MYOM2: variants seen among roughly 807,000 people sequenced by gnomAD.
The protein encoded by MYOM2 is myomesin 2.
A neutral mutation model predicts 187.6 loss-of-function variants in MYOM2; 254 were observed. The observed-to-expected ratio is 1.35, with a 90% confidence interval of 1.22 to 1.50. The LOEUF is 1.50. Ranked by LOEUF, MYOM2 falls within the 40% of genes most tolerant of loss-of-function variation. The pLI, the probability that MYOM2 is intolerant of heterozygous loss-of-function variation, is 0.00. For missense variants in MYOM2, 2,796 were observed against 1,924.0 expected, an observed-to-expected ratio of 1.45 and a Z score of -8.48; for synonymous variants, 981 against 753.8, an observed-to-expected ratio of 1.30 and a Z score of -4.94.
intron 8 of MYOM2, among the ~76,000 whole-genome samples, chr8:2,070,421 C>G (rs567850105): frequency 2.3e-3 from 344 of 152,328 alleles, no homozygotes; most frequent in African/African-American, 7.9e-3. Context: ...TGCTGGGCTA[C>G]ATCCAACACT....
At chr8:2,107,285 G>A (rs1364841483) in intron 23 of MYOM2, among the ~76,000 whole-genome samples, 4 of 152,162 alleles carry the variant, frequency 2.6e-5, no homozygotes, top group African/African-American at 9.7e-5. Flanking sequence ...GTGGTGCAGC[G>A]TGAACTCGTA....
At chr8:2,091,903 A>G (rs1442938733) in intron 15 of MYOM2, among the ~76,000 whole-genome samples, 1 of 152,222 alleles carries the variant, frequency 6.6e-6, no homozygotes, top group East Asian at 1.9e-4. Flanking sequence ...ACCACATGAC[A>G]GGATCTGATG....
At chr8:2,133,261 A>G (rs1271704893) in intron 32 of MYOM2, among the ~76,000 whole-genome samples, 7 of 152,218 alleles carry the variant, frequency 4.6e-5, no homozygotes, top group Non-Finnish European at 1.0e-4. Flanking sequence ...TCTCCAGCCT[A>G]GAAGCAAATA....
chr8:2,048,066 C>G (rs958750282), intron 1 of MYOM2, among the ~76,000 whole-genome samples: 1 of 152,178 alleles, frequency 6.6e-6, no homozygotes, highest in African/African-American at 2.4e-5. Flanking sequence ...CTCCTTTGAC[C>G]TAATAGGTCA....
intron 9 of MYOM2, among the ~76,000 whole-genome samples, chr8:2,072,730 C>G (rs913172869): frequency 1.3e-5 from 2 of 152,206 alleles, no homozygotes; most frequent in Non-Finnish European, 2.9e-5. Flanking sequence ...AGAGCAGCCA[C>G]TTAGAGACTG....
At chr8:2,123,521 C>A (rs1332551617) in intron 29 of MYOM2, 34 bp from the exon 30 acceptor site, 2 of 1,583,338 alleles carry the variant, frequency 1.3e-6, no homozygotes, top group African/African-American at 1.3e-5. Context: ...GCAGTATTGA[C>A]TTTACATAAA....
chr8:2,092,205 A>G (rs1205977499), intron 15 of MYOM2, 141 bp from the exon 16 acceptor site: 2 of 996,668 alleles, frequency 2.0e-6, no homozygotes, highest in African/African-American at 1.6e-5. Flanking sequence ...CTCCTCTCCT[A>G]CTCCTGGACC....
intron 16 of MYOM2, among the ~76,000 whole-genome samples, chr8:2,093,588 G>C (rs767204044): frequency 5.9e-5 from 9 of 152,220 alleles, no homozygotes; most frequent in Non-Finnish European, 1.0e-4. Context: ...TAGTCCATCT[G>C]ACTTCCAAGT....
intron 10 of MYOM2, among the ~76,000 whole-genome samples, chr8:2,074,302 G>C (rs944155315): frequency 2.6e-5 from 4 of 152,112 alleles, no homozygotes; most frequent in Non-Finnish European, 5.9e-5. Context: ...TGAATCCATG[G>C]AGGCTCAGAG....
chr8:2,094,950 A>G (rs1397827317), intron 17 of MYOM2, among the ~76,000 whole-genome samples: 1 of 152,150 alleles, frequency 6.6e-6, no homozygotes, highest in Non-Finnish European at 1.5e-5. Flanking sequence ...AATGCACCTC[A>G]GGAAGTCAGT....
At chr8:2,101,753 C>T (rs552797839) in intron 20 of MYOM2, among the ~76,000 whole-genome samples, 39 of 152,140 alleles carry the variant, frequency 2.6e-4, no homozygotes, top group African/African-American at 9.4e-4. Flanking sequence ...CACTTCACGC[C>T]GGGCATTTAA....
At chr8:2,090,304 C>A in intron 15 of MYOM2, 113 bp downstream of exon 15, 2 of 1,026,702 alleles carry the variant, frequency 1.9e-6, no homozygotes, top group South Asian at 4.0e-5. Flanking sequence ...AGTTGAAGTT[C>A]AAGTGGACTT....
intron 6 of MYOM2, among the ~76,000 whole-genome samples, chr8:2,059,930 CG>C (rs1563419627): frequency 6.6e-6 from 1 of 151,938 alleles, no homozygotes; most frequent in East Asian, 1.9e-4. Flanking sequence ...TTAGTAGAGA[CG>C]GGGTTTCACC....
chr8:2,080,583 A>C (rs545411005), intron 13 of MYOM2, among the ~76,000 whole-genome samples: 3 of 152,238 alleles, frequency 2.0e-5, no homozygotes, highest in African/African-American at 7.2e-5. Context: ...AAGGACACTC[A>C]ATACATAAGG....
At chr8:2,086,497 C>CACTGTCGTGATCTCTGCGTGGCCCCA (rs1796076192) in intron 14 of MYOM2, among the ~76,000 whole-genome samples, 1 of 141,902 alleles carries the variant, frequency 7.0e-6, no homozygotes, top group African/African-American at 2.6e-5. Flanking sequence ...GTGTGGCCCC[C>CACTGTCGTGATCTCTGCGTGGCCCCA]CACTGTCGTG....
chr8:2,116,309 C>A lies in MYOM2; in HGVS notation c.3385+34C>A, dbSNP rs1797243520. ...CCTCACTCTGACCGGCTCCCCTGCC[C>A]CTAGCATAAAGCAAAGATGATTGGA... On this transcript the variant is annotated intron_variant, in intron 27 of 36. Coordinates refer to ENST00000262113, the MANE Select transcript of MYOM2 (RefSeq NM_003970.4). The A allele has an allele frequency of 1.9e-6, 3 of 1,589,036 alleles. No homozygotes were observed. In the East Asian group the frequency reaches 6.7e-5, roughly 36 times the overall value.
At chr8:2,046,895 G>C (rs544042637) in intron 1 of MYOM2, among the ~76,000 whole-genome samples, 61 of 152,084 alleles carry the variant, frequency 4.0e-4, no homozygotes, top group South Asian at 2.9e-3. Context: ...TTTCTTTATA[G>C]TGTCATAAAT....
At chr8:2,091,780 T>C (rs1585889670) in intron 15 of MYOM2, among the ~76,000 whole-genome samples, 1 of 152,248 alleles carries the variant, frequency 6.6e-6, no homozygotes, top group African/African-American at 2.4e-5. Flanking sequence ...AATGACAGTG[T>C]CCATCACTGA....
At chr8:2,107,455 C>G (rs1451854277) in intron 23 of MYOM2, among the ~76,000 whole-genome samples, 1 of 152,088 alleles carries the variant, frequency 6.6e-6, no homozygotes, top group Non-Finnish European at 1.5e-5. Flanking sequence ...AATCACTGTC[C>G]TGGTTGATAT....
Sources: allele counts gnomAD v4.1 joint callset (sites outside exome capture counted in the v4.1 genomes callset), GRCh38; gene constraint gnomAD v4.1.1; transcripts MANE v1.5; gene names NCBI Gene and HGNC (gene_info 2026-07-23, HGNC 2026-07-21).